The following CNTN4 variants were observed in gnomAD, a reference collection of about 807,000 sequenced individuals.
CNTN4 encodes the protein contactin 4.
Under a neutral mutation model 122.5 loss-of-function variants are expected in CNTN4, and 77 were observed. That is an observed-to-expected ratio of 0.63 (90% confidence interval 0.52 to 0.76). The LOEUF is 0.76. Among genes scored for constraint, CNTN4 ranks in the 30% least tolerant of loss-of-function variants. CNTN4 has a pLI of 0.00. For missense variants in CNTN4, 1,256 were observed against 1,259.1 expected (o/e 1.00, Z 0.04); for synonymous variants, 512 against 447.0 (o/e 1.15, Z -1.83).
intron 3 of CNTN4, among the ~76,000 whole-genome samples, chr3:2,473,385 T>C (rs769949288): frequency 1.3e-5 from 2 of 152,170 alleles, no homozygotes. Flanking sequence ...TACTATTCCA[T>C]ACCTTTTATA....
At chr3:2,659,578 G>T (rs913747389) in intron 4 of CNTN4, among the ~76,000 whole-genome samples, 1 of 151,044 alleles carries the variant, frequency 6.6e-6, no homozygotes, top group Non-Finnish European at 1.5e-5. Flanking sequence ...GTTCTCTTAT[G>T]TCCTATAAAG....
chr3:2,734,495 T>C (rs984744683), intron 4 of CNTN4, among the ~76,000 whole-genome samples: 10 of 152,198 alleles, frequency 6.6e-5, no homozygotes, highest in Admixed American at 2.0e-4. Flanking sequence ...ACCCAAGGCA[T>C]TGAAACTCAG....
intron 2 of CNTN4, among the ~76,000 whole-genome samples, chr3:2,153,833 A>G (rs2035598974): frequency 6.6e-6 from 1 of 152,128 alleles, no homozygotes; most frequent in African/African-American, 2.4e-5. Context: ...GGAAATGTGG[A>G]AAGTCATGTG....
At chr3:2,148,877 T>A (rs2125391133) in intron 2 of CNTN4, among the ~76,000 whole-genome samples, 1 of 152,248 alleles carries the variant, frequency 6.6e-6, no homozygotes, top group Middle Eastern at 3.4e-3. Context: ...TATTTAATAC[T>A]TTTTAACATT....
intron 2 of CNTN4, among the ~76,000 whole-genome samples, chr3:2,287,757 GAAGAAGAAGA>G: frequency 6.8e-6 from 1 of 146,222 alleles, no homozygotes; most frequent in South Asian, 2.2e-4. Flanking sequence ...AGAAGAAGAA[GAAGAAGAAGA>G]AGAAGAAGAA....
At chr3:2,303,392 T>C (rs2042595059) in intron 2 of CNTN4, among the ~76,000 whole-genome samples, 1 of 152,158 alleles carries the variant, frequency 6.6e-6, no homozygotes, top group Non-Finnish European at 1.5e-5. Flanking sequence ...AACCCAGCTC[T>C]GGACAACCAC....
At chr3:2,181,420 T>C (rs1198099203) in intron 2 of CNTN4, among the ~76,000 whole-genome samples, 1 of 152,066 alleles carries the variant, frequency 6.6e-6, no homozygotes, top group East Asian at 1.9e-4. Context: ...TAGTAGAACG[T>C]ATCAAACGCC....
intron 14 of CNTN4, among the ~76,000 whole-genome samples, chr3:3,004,656 G>A (rs1359634203): frequency 6.6e-6 from 1 of 152,162 alleles, no homozygotes; most frequent in East Asian, 1.9e-4. Flanking sequence ...TAGGATAGTT[G>A]GGAAGACTAA....
chr3:2,462,003 G>C (rs1236381714), intron 3 of CNTN4, among the ~76,000 whole-genome samples: 1 of 152,100 alleles, frequency 6.6e-6, no homozygotes, highest in Non-Finnish European at 1.5e-5. Context: ...GACATTTTTG[G>C]TTATCACAAC....
chr3:2,418,425 A>T (rs2047496825), intron 3 of CNTN4, among the ~76,000 whole-genome samples: 1 of 152,188 alleles, frequency 6.6e-6, no homozygotes, highest in Non-Finnish European at 1.5e-5. Flanking sequence ...TCAAAACGTA[A>T]AACTGCTCAC....
chr3:2,330,434 A>G (rs919475027), intron 2 of CNTN4, among the ~76,000 whole-genome samples: 6 of 152,102 alleles, frequency 3.9e-5, no homozygotes, highest in Non-Finnish European at 5.9e-5. Flanking sequence ...GCTATTTAGG[A>G]GTCTTGGGCC....
At chr3:2,252,151 A>G (rs995491938) in intron 2 of CNTN4, among the ~76,000 whole-genome samples, 3 of 152,062 alleles carry the variant, frequency 2.0e-5, no homozygotes, top group Non-Finnish European at 4.4e-5. Context: ...TGCAGATATT[A>G]GAAACAACAG....
chr3:2,711,651 A>G (rs185468800), intron 4 of CNTN4, among the ~76,000 whole-genome samples: 6 of 152,216 alleles, frequency 3.9e-5, no homozygotes, highest in African/African-American at 1.4e-4. Context: ...GAGGATTAAC[A>G]TGGCAGAAGG....
At chr3:2,839,661 C>G (rs1213583890) in intron 7 of CNTN4, among the ~76,000 whole-genome samples, 1 of 152,080 alleles carries the variant, frequency 6.6e-6, no homozygotes, top group Admixed American at 6.5e-5. Context: ...TTGGGAAGAC[C>G]CTGAGGAAGT....
At chr3:3,001,979 A>G (rs1313320838) in intron 14 of CNTN4, among the ~76,000 whole-genome samples, 1 of 152,196 alleles carries the variant, frequency 6.6e-6, no homozygotes, top group African/African-American at 2.4e-5. Flanking sequence ...AACACAAGTC[A>G]TTATCATTGA....
intron 14 of CNTN4, among the ~76,000 whole-genome samples, chr3:2,994,955 T>C (rs1433295303): frequency 6.6e-6 from 1 of 152,316 alleles, no homozygotes; most frequent in Non-Finnish European, 1.5e-5. Flanking sequence ...TCAACCCAAT[T>C]AGATATCTTC....
intron 2 of CNTN4, among the ~76,000 whole-genome samples, chr3:2,286,474 G>C (rs2041908092): frequency 6.6e-6 from 1 of 151,788 alleles, no homozygotes; most frequent in Non-Finnish European, 1.5e-5. Flanking sequence ...GTTAAACAAG[G>C]CTTGTCAAGC....
intron 12 of CNTN4, among the ~76,000 whole-genome samples, chr3:2,922,279 C>G (rs1186066491): frequency 6.6e-6 from 1 of 152,160 alleles, no homozygotes; most frequent in Non-Finnish European, 1.5e-5. Flanking sequence ...CTTTTAAAAC[C>G]TCATTACCTG....
intron 13 of CNTN4, among the ~76,000 whole-genome samples, chr3:2,981,425 C>G (rs1290418722): frequency 2.0e-5 from 3 of 152,052 alleles, no homozygotes; most frequent in African/African-American, 4.8e-5. Flanking sequence ...GCCTGGGCGA[C>G]AGAGCGAGAC....
Sources: gnomAD v4.1 joint callset for allele counts (sites outside exome capture counted in the v4.1 genomes callset) on GRCh38, gnomAD v4.1.1 for gene constraint, MANE v1.5 for transcripts, NCBI Gene and HGNC (gene_info 2026-07-23, HGNC 2026-07-21) for gene names.